The following ERC1 variants were observed in gnomAD, a reference collection of about 807,000 sequenced individuals.
ERC1 encodes RAB6 interacting protein 2.
In ERC1, 56 loss-of-function variants were observed where a neutral mutation model predicts 132.0. The observed-to-expected ratio is 0.42, with a 90% CI of 0.34 to 0.53. The LOEUF (loss-of-function observed/expected upper bound fraction) is 0.53. ERC1 is among the 20% of genes least tolerant of loss of function. The probability of loss-of-function intolerance (pLI) is 0.03; values close to 1 mark genes in which losing one functional copy is unlikely to be tolerated. For synonymous variants in ERC1, 478 were observed against 476.1 expected (o/e 1.00, Z -0.05); for missense variants, 1,202 against 1,349.9 (o/e 0.89, Z 1.72).
intron 2 of ERC1, among the ~76,000 whole-genome samples, chr12:1,060,978 G>C (rs1029263834): frequency 6.6e-6 from 1 of 151,848 alleles, no homozygotes. Context: ...CACCTGCCTC[G>C]GGCCCCCCAA....
At position 1,418,575 on chromosome 12, in the gene ERC1, TTC is replaced by T. The variant is rs1309363856; in HGVS notation, c.3024+10330_3024+10331del. ...TTTCTGAAGTCTTCATTTTCTTTCT[TTC>T]TTTCTTTCTTTCTCTTTCTTTCTTT... On this transcript the variant is annotated intron_variant, in intron 17 of 18. Transcript: ENST00000360905. Among the ~76,000 whole-genome samples the T allele has an allele frequency of 4.9e-5, 6 of 123,416 alleles. No individual in the cohort carries two copies. In the South Asian group the frequency reaches 9.9e-4, roughly 20 times the overall value. The allele number at this position is 123,416 out of a possible 152,430, so 81.0% of individuals were successfully genotyped here.
At chr12:1,008,770 C>A (rs1236893902) in intron 1 of ERC1, among the ~76,000 whole-genome samples, 1 of 152,120 alleles carries the variant, frequency 6.6e-6, no homozygotes, top group Non-Finnish European at 1.5e-5. Flanking sequence ...CAGGTTATTC[C>A]AAACATGCTT....
At chr12:1,247,247 T>C (rs887717354) in intron 13 of ERC1, among the ~76,000 whole-genome samples, 4 of 150,450 alleles carry the variant, frequency 2.7e-5, no homozygotes, top group African/African-American at 9.8e-5. Flanking sequence ...AAAAAAAAAA[T>C]CCGGAAAGAA....
At chr12:1,100,717 G>T (rs182795697) in intron 3 of ERC1, among the ~76,000 whole-genome samples, 1 of 152,176 alleles carries the variant, frequency 6.6e-6, no homozygotes, top group Non-Finnish European at 1.5e-5. Context: ...AGAGGGGAAG[G>T]CCAGGAGGTC....
At position 1,096,049 on chromosome 12, in the gene ERC1, C is replaced by T. The variant is rs372268417; in HGVS notation, c.1087-8701C>T. The stretch of plus-strand genomic sequence containing the variant: ...CAAGCAGTCCTCCTGCCTCAGCCCC[C>T]GCAAGTGGCTGGGACTACACATGAG... On this transcript the variant is annotated intron_variant, in intron 3 of 18. Coordinates refer to ENST00000360905, the MANE Select transcript of ERC1 (RefSeq NM_178040.4). Among the ~76,000 whole-genome samples, 13 of 152,070 alleles carry T rather than the reference C, an allele frequency of 8.5e-5. 1 individual carries two copies. The highest frequency in any genetic ancestry group is 2.6e-4 in the Admixed American group (4 of 15,262).
chr12:1,116,827 C>T (rs549924018), intron 7 of ERC1, among the ~76,000 whole-genome samples: 4 of 152,222 alleles, frequency 2.6e-5, no homozygotes, highest in Non-Finnish European at 5.9e-5. Context: ...TTGATCCGCC[C>T]GCCTCTGCCT....
chr12:1,093,957 C>CTATA (rs202076174), intron 3 of ERC1, among the ~76,000 whole-genome samples: 8,381 of 68,782 alleles, frequency 0.12, 942 homozygotes, highest in Middle Eastern at 0.22. Context: ...ATATATTTTT[C>CTATA]TATATATATA....
intron 18 of ERC1, among the ~76,000 whole-genome samples, chr12:1,486,943 G>A (rs2094228279): frequency 6.6e-6 from 1 of 152,180 alleles, no homozygotes; most frequent in Non-Finnish European, 1.5e-5. Context: ...GAATTGTCTG[G>A]AATATTCCTG....
chr12:1,117,161 A>C (rs965214440), intron 7 of ERC1, among the ~76,000 whole-genome samples: 1 of 152,228 alleles, frequency 6.6e-6, no homozygotes, highest in African/African-American at 2.4e-5. Flanking sequence ...AGAAACATAA[A>C]GCATATGATG....
At chr12:1,357,736 G>C (rs1373801320) in intron 15 of ERC1, among the ~76,000 whole-genome samples, 1 of 152,072 alleles carries the variant, frequency 6.6e-6, no homozygotes, top group Non-Finnish European at 1.5e-5. Flanking sequence ...AAATAATAAA[G>C]ACAAAATGAG....
intron 2 of ERC1, among the ~76,000 whole-genome samples, chr12:1,082,589 C>T (rs1336383535): frequency 6.8e-6 from 1 of 148,138 alleles, no homozygotes; most frequent in African/African-American, 2.5e-5. Flanking sequence ...CTCTCAAGTT[C>T]AAGCGATTCT....
intron 18 of ERC1, among the ~76,000 whole-genome samples, chr12:1,466,136 C>T (rs1190267650): frequency 2.0e-5 from 3 of 152,174 alleles, no homozygotes; most frequent in Non-Finnish European, 2.9e-5. Context: ...GCTTAAGCAA[C>T]GTAAATTGAT....
intron 16 of ERC1, among the ~76,000 whole-genome samples, chr12:1,406,380 C>A (rs1456729159): frequency 6.6e-6 from 1 of 152,070 alleles, no homozygotes; most frequent in African/African-American, 2.4e-5. Context: ...TTAAAAATAA[C>A]CTGTCAAATT....
chr12:1,473,923 A>T (rs1202132688), intron 18 of ERC1, among the ~76,000 whole-genome samples: 1 of 152,152 alleles, frequency 6.6e-6, no homozygotes, highest in African/African-American at 2.4e-5. Context: ...GTTTAGAGGG[A>T]TTGTAGAGGG....
intron 12 of ERC1, among the ~76,000 whole-genome samples, chr12:1,216,615 T>TGGGGGGCG (rs1265115026): frequency 2.0e-4 from 1 of 5,092 alleles, no homozygotes; most frequent in African/African-American, 6.9e-4. Flanking sequence ...GGAGGAGGGA[T>TGGGGGGCG]GGGGGGTGGG....
In ERC1 at chr12:1,360,305, T is replaced by C. The variant is rs544605640; in HGVS notation, c.2781-11528T>C. Among the ~76,000 whole-genome samples the C allele has an allele frequency of 1.2e-4, 18 of 152,346 alleles. 1 individual carries two copies. In the South Asian group the frequency reaches 3.7e-3, roughly 32 times the overall value. On this transcript the variant is annotated intron_variant, in intron 15 of 18. Coordinates refer to ENST00000360905, the MANE Select transcript of ERC1 (RefSeq NM_178040.4). ...AGTCATGAAGAAAATGAAGCTTGGC[T>C]ATGAAGTAGAAGAATCTTTCTATCA...
intron 13 of ERC1, chr12:1,244,810 C>T (rs1776554717): frequency 4.6e-6 from 1 of 215,612 alleles, no homozygotes; most frequent in African/African-American, 2.3e-5. Context: ...TGAACCAGCA[C>T]ACCTGGCCTT....
At chr12:1,138,069 G>A (rs1346339228) in intron 7 of ERC1, among the ~76,000 whole-genome samples, 3 of 94,766 alleles carry the variant, frequency 3.2e-5, no homozygotes, top group Admixed American at 1.1e-4. Flanking sequence ...ATTATATATT[G>A]TTTTATATTA....
At chr12:1,178,174 GTTC>G (rs983608413) in intron 8 of ERC1, among the ~76,000 whole-genome samples, 44 of 152,208 alleles carry the variant, frequency 2.9e-4, no homozygotes, top group African/African-American at 1.0e-3. Flanking sequence ...TGCCTGTCGA[GTTC>G]TTCTTGACTC....
Sources: allele counts gnomAD v4.1 joint callset (sites outside exome capture counted in the v4.1 genomes callset), GRCh38; gene constraint gnomAD v4.1.1; transcripts MANE v1.5; gene names NCBI Gene and HGNC (gene_info 2026-07-23, HGNC 2026-07-21).